TCOF1: variants seen among roughly 807,000 people sequenced by gnomAD.
The protein encoded by TCOF1 is treacle protein.
Under a neutral mutation model 149.0 loss-of-function variants are expected in TCOF1, and 33 were observed. That is an observed-to-expected ratio of 0.22 (90% CI 0.17 to 0.30). TCOF1 has a LOEUF of 0.30. Among genes scored for constraint, TCOF1 ranks in the 10% least tolerant of loss-of-function variants. The pLI is 1.00. For missense variants in TCOF1, 1,728 were observed against 1,840.7 expected (o/e 0.94, Z 1.12); for synonymous variants, 789 against 738.8 (o/e 1.07, Z -1.10).
intron 17 of TCOF1, chr5:150,384,093 A>G: frequency 8.1e-7 from 1 of 1,237,756 alleles, no homozygotes. Context: ...TCCAGACCAG[A>G]GCGGTCTCAT....
chr5:150,390,508 A>G (rs1581196819), intron 19 of TCOF1, among the ~76,000 whole-genome samples: 1 of 152,204 alleles, frequency 6.6e-6, no homozygotes, highest in East Asian at 1.9e-4. Context: ...CCCCACCCCA[A>G]GGGCTGCGAT....
At chr5:150,380,227 C>T (rs1201220812) in intron 17 of TCOF1, 6 of 184,262 alleles carry the variant, frequency 3.3e-5, no homozygotes, top group Non-Finnish European at 5.8e-5. Flanking sequence ...AAACCTGCTA[C>T]TAAAACCCCC....
chr5:150,368,117 A>T (rs1761750056), intron 4 of TCOF1, 200 bp downstream of exon 4: 2 of 584,718 alleles, frequency 3.4e-6, no homozygotes, highest in African/African-American at 1.9e-5. Flanking sequence ...GATAAGGATG[A>T]TGCCTGCTGC....
At chr5:150,390,183 AC>A (rs1405188209) in intron 19 of TCOF1, among the ~76,000 whole-genome samples, 160 bp downstream of exon 19, 2 of 151,988 alleles carry the variant, frequency 1.3e-5, no homozygotes, top group Admixed American at 6.6e-5. Flanking sequence ...CCTAGCTACA[AC>A]CCCCCAAATC....
At chr5:150,387,191 A>G (rs1766464199) in intron 17 of TCOF1, among the ~76,000 whole-genome samples, 1 of 152,248 alleles carries the variant, frequency 6.6e-6, no homozygotes, top group African/African-American at 2.4e-5. Context: ...AAGTTGATCT[A>G]CCCAGTCAGT....
intron 3 of TCOF1, chr5:150,367,505 G>C (rs1761620394): frequency 5.6e-6 from 2 of 357,712 alleles, no homozygotes; most frequent in South Asian, 4.7e-5. Flanking sequence ...CTGTGTGAAT[G>C]GTGCCCATTG....
chr5:150,389,421 G>A (rs1361393975), intron 18 of TCOF1, among the ~76,000 whole-genome samples: 1 of 152,158 alleles, frequency 6.6e-6, no homozygotes, highest in African/African-American at 2.4e-5. Flanking sequence ...AGTGTGTGTA[G>A]CCAGCACCAT....
rs1199467336 is a variant in TCOF1 at position 150,374,317 on chromosome 5, C to A, written c.1014C>A (p.Asp338Glu). Residue 338 changes from aspartate (D) to glutamate (E), a missense_variant, in exon 8 of 27, where the codon GAC becomes GAA. Asp to Glu is a conservative substitution (Grantham distance 45). This residue lies in a region of TCOF1 where 1,696 missense variants were observed against 1,765.4 expected (regional missense o/e 0.96). Transcript: ENST00000643257. ...SQTKAGKPEEDSESSSEESSD... is the reference protein window; with the variant it reads ...SQTKAGKPEEESESSSEESSD... ...CCAAGGCAGGGAAGCCAGAGGAGGACTCAGAGAGCAGCAGCGAGGAGTCAT... is the reference window on the plus strand; with the variant it reads ...CCAAGGCAGGGAAGCCAGAGGAGGAATCAGAGAGCAGCAGCGAGGAGTCAT... 1 of 1,581,476 alleles carries A rather than the reference C, an allele frequency of 6.3e-7. No homozygotes were observed. The highest frequency in any genetic ancestry group is 2.3e-5 in the East Asian group (1 of 43,086).
Position 150,379,041 on chromosome 5 carries a change from A to T in TCOF1, c.2477A>T (p.Lys826Met). Reference sequence around the variant, plus strand: ...CAAGCCAAGCAGAGGTCTCCATCCAAGGCAAGTGGGGCCAGAAGCCACAGG... The same window carrying T: ...CAAGCCAAGCAGAGGTCTCCATCCATGGCAAGTGGGGCCAGAAGCCACAGG... ...AAQAKQRSPSKVKPPVRNPQN... is the reference protein window; with the variant it reads ...AAQAKQRSPSMVKPPVRNPQN... Residue 826 changes from lysine (K) to methionine (M), a missense_variant and splice_region_variant, in exon 15 of 27, where the codon AAG becomes ATG. This residue lies in a region of TCOF1 where 1,696 missense variants were observed against 1,765.4 expected (regional missense o/e 0.96). Transcript: ENST00000643257. The T allele has an allele frequency of 6.2e-7, 1 of 1,613,964 alleles. No homozygotes were observed. Among genetic ancestry groups the T allele is most frequent in the Non-Finnish European group, 8.5e-7 (1 of 1,179,940 alleles).
chr5:150,371,767 A>G (rs1319281985), intron 6 of TCOF1, among the ~76,000 whole-genome samples: 1 of 152,210 alleles, frequency 6.6e-6, no homozygotes, highest in African/African-American at 2.4e-5. Flanking sequence ...CCAAAGTCAG[A>G]CAGTCCAGGG....
Position 150,378,607 on chromosome 5 carries a change from G to C in TCOF1, c.2341-298G>C, listed in dbSNP as rs982992725. On this transcript the variant is annotated intron_variant, in intron 14 of 26. Transcript: ENST00000643257. ...TTAGGTAGTCTTGTGCTTAGCTAAT[G>C]CTAAGGAAGGCACGCACAATGAGTT... The C allele has an allele frequency of 2.1e-5, 9 of 424,664 alleles. No individual in the cohort carries two copies. The East Asian group carries it at 4.5e-4, about 21-fold the overall frequency. The allele number at this position is 424,664 out of a possible 1,614,324, so 26.3% of individuals were successfully genotyped here.
chr5:150,359,101 C>T (rs1759390602), intron 1 of TCOF1, among the ~76,000 whole-genome samples: 1 of 152,074 alleles, frequency 6.6e-6, no homozygotes, highest in East Asian at 1.9e-4. Flanking sequence ...AATCCCAGCA[C>T]TTTGGGAGGC....
At chr5:150,369,407 A>G in intron 5 of TCOF1, 122 bp from the exon 6 acceptor site, 3 of 1,107,624 alleles carry the variant, frequency 2.7e-6, no homozygotes, top group Non-Finnish European at 4.1e-6. Context: ...CATGTGAGGC[A>G]CACGAGGGGT....
intron 22 of TCOF1, chr5:150,392,995 A>C: frequency 1.5e-6 from 1 of 654,504 alleles, no homozygotes; most frequent in South Asian, 1.8e-5. Flanking sequence ...TAGAGCCCTG[A>C]GTAGCTGACC....
Position 150,361,165 on chromosome 5 carries a change from C to T in TCOF1, c.118C>T (p.Leu40=). The T allele has an allele frequency of 1.2e-6, 2 of 1,614,188 alleles. No homozygotes were observed. The highest frequency in any genetic ancestry group is 1.7e-5 in the Admixed American group (1 of 60,028). ...VKEQSGQKCF[L]AQPVTLLDIY... ...CTTTACCTCTCTGCAGAAGTGTTTC[C>T]TGGCTCAGCCCGTAACCCTTCTGGA... Residue 40 remains leucine, a synonymous_variant, in exon 2 of 27, where the codon CTG becomes TTG. Coordinates refer to ENST00000643257, the MANE Select transcript of TCOF1 (RefSeq NM_001371623.1).
In TCOF1 at chr5:150,392,857, C is replaced by G; in HGVS notation, c.3603+67C>G. ...GTGGAGCCCCAGGCCAGGCTCCTGTCTACCCGATCCCTCAGGTCAGGGGTC... is the reference window on the plus strand; with the variant it reads ...GTGGAGCCCCAGGCCAGGCTCCTGTGTACCCGATCCCTCAGGTCAGGGGTC... On this transcript the variant is annotated intron_variant, in intron 22 of 26. Coordinates refer to ENST00000643257, the MANE Select transcript of TCOF1 (RefSeq NM_001371623.1). 3.2e-6 allele frequency: 5 copies of G among 1,561,586 alleles called. No individual in the cohort carries two copies. The South Asian group carries it at 4.6e-5, about 14-fold the overall frequency.
At position 150,374,642 on chromosome 5, in the gene TCOF1, A is replaced by G. The variant is rs544776908; in HGVS notation, c.1109A>G (p.Gln370Arg). ...LQAKASGKTS[Q>R]VGAASAPAKE... ...GCGAAGGCCTCAGGAAAAACCTCTC[A>G]GGTCGGAGCTGCCTCAGCCCCTGCC... The change falls in exon 9 of 27, where the codon CAG (glutamine) becomes CGG (arginine). Residue 370 changes from glutamine (Q) to arginine (R), a missense_variant. Around this residue, in one of 2 missense-constraint regions of TCOF1, gnomAD observed 1,696 missense variants for 1,765.4 expected, o/e 0.96. Transcript: ENST00000643257. 2 of 1,612,888 alleles carry G rather than the reference A, an allele frequency of 1.2e-6. No individual in the cohort carries two copies. The highest frequency in any genetic ancestry group is 1.3e-5 in the African/African-American group (1 of 74,652).
rs757151167 is a variant in TCOF1 at position 150,392,008 on chromosome 5, G to A, written c.3349G>A (p.Val1117Ile). ...LPATSPQSTS[V>I]QAKGTNKLRK... ...TGCAACAAGTCCCCAGAGCACCTCCGTCCAGGCCAAAGGGACCAACAAGCT... is the reference window on the plus strand; with the variant it reads ...TGCAACAAGTCCCCAGAGCACCTCCATCCAGGCCAAAGGGACCAACAAGCT... Residue 1117 changes from valine (V) to isoleucine (I), a missense_variant, in exon 21 of 27, where the codon GTC becomes ATC. This residue lies in a region of TCOF1 where 1,696 missense variants were observed against 1,765.4 expected (regional missense o/e 0.96). Coordinates refer to ENST00000643257, the MANE Select transcript of TCOF1 (RefSeq NM_001371623.1). 55 of 1,614,070 alleles carry A rather than the reference G, an allele frequency of 3.4e-5. No individual in the cohort carries two copies. In the Admixed American group the frequency reaches 5.2e-4, roughly 15 times the overall value.
intron 8 of TCOF1, 23 bp downstream of exon 8, chr5:150,374,409 C>T (rs532708870): frequency 1.9e-6 from 3 of 1,551,378 alleles, no homozygotes; most frequent in Non-Finnish European, 8.7e-7. Context: ...GAGGGAGACT[C>T]CATGCAGCCA....
Sources: gnomAD v4.1 joint callset for allele counts (sites outside exome capture counted in the v4.1 genomes callset) on GRCh38, gnomAD v4.1.1 for gene constraint, gnomAD v4.1.1 regional missense constraint, MANE v1.5 for transcripts, NCBI Gene and HGNC (gene_info 2026-07-23, HGNC 2026-07-21) for gene names.